ZNF804B: variants seen among roughly 807,000 people sequenced by gnomAD.
ZNF804B encodes the protein zinc finger 804B.
A neutral mutation model predicts 101.4 loss-of-function variants in ZNF804B; 80 were observed. The ratio of observed to expected loss-of-function variants is 0.79; its 90% confidence interval spans 0.66 to 0.95. The LOEUF is 0.95. Ranked by LOEUF, ZNF804B falls within the 40% of genes least tolerant of loss-of-function variation. ZNF804B has a pLI of 0.00. For synonymous variants in ZNF804B, 622 were observed against 558.8 expected, an observed-to-expected ratio of 1.11 and a Z score of -1.59; for missense variants, 1,673 against 1,561.9, an observed-to-expected ratio of 1.07 and a Z score of -1.20.
chr7:89,320,595 GA>G (rs1000225248), intron 2 of ZNF804B, among the ~76,000 whole-genome samples: 2 of 151,776 alleles, frequency 1.3e-5, no homozygotes, highest in African/African-American at 4.8e-5. Flanking sequence ...GCATGAGGTA[GA>G]AAAAAATGGA....
chr7:88,883,317 T>A (rs1235103269), intron 1 of ZNF804B, among the ~76,000 whole-genome samples: 1 of 152,136 alleles, frequency 6.6e-6, no homozygotes, highest in Non-Finnish European at 1.5e-5. Context: ...AATCCTTTTT[T>A]TCTTTGTCTT....
intron 1 of ZNF804B, among the ~76,000 whole-genome samples, chr7:89,145,734 T>A (rs1014759): frequency 6.6e-6 from 1 of 151,810 alleles, no homozygotes; most frequent in Non-Finnish European, 1.5e-5. Flanking sequence ...AGTGAGCAGG[T>A]ATGATGCTTT....
chr7:88,929,999 T>A (rs1278093867), intron 1 of ZNF804B, among the ~76,000 whole-genome samples: 1 of 151,938 alleles, frequency 6.6e-6, no homozygotes, highest in African/African-American at 2.4e-5. Context: ...TTCCAAAATG[T>A]ATGTTTTGGT....
chr7:89,245,336 G>C (rs1044756255), intron 2 of ZNF804B, among the ~76,000 whole-genome samples: 1 of 152,076 alleles, frequency 6.6e-6, no homozygotes, highest in Non-Finnish European at 1.5e-5. Flanking sequence ...AAATAGACTT[G>C]AAGAAATTTC....
chr7:88,837,827 T>C (rs931127380), intron 1 of ZNF804B, among the ~76,000 whole-genome samples: 3 of 151,884 alleles, frequency 2.0e-5, no homozygotes, highest in Non-Finnish European at 4.4e-5. Flanking sequence ...TAGCTGACTT[T>C]CGATGGCCAT....
intron 1 of ZNF804B, among the ~76,000 whole-genome samples, chr7:89,001,754 G>C (rs1480070556): frequency 6.6e-6 from 1 of 151,846 alleles, no homozygotes; most frequent in Non-Finnish European, 1.5e-5. Flanking sequence ...TGTTATGTCA[G>C]ATAATCTTAT....
intron 1 of ZNF804B, among the ~76,000 whole-genome samples, chr7:89,120,922 G>A (rs890245342): frequency 1.3e-5 from 2 of 152,178 alleles, no homozygotes; most frequent in Non-Finnish European, 2.9e-5. Context: ...TACTTGAGAA[G>A]CTACATTGCT....
intron 1 of ZNF804B, among the ~76,000 whole-genome samples, chr7:88,974,876 T>A (rs898761571): frequency 6.6e-6 from 1 of 151,370 alleles, no homozygotes; most frequent in Non-Finnish European, 1.5e-5. Flanking sequence ...AAGTACTGGA[T>A]CTTTTTCTTT....
In ZNF804B at chr7:89,015,316, T is replaced by A. The variant is rs977015077; in HGVS notation, c.109-202839T>A. 1.3e-4 allele frequency among the ~76,000 whole-genome samples: 20 copies of A among 151,394 alleles called. No individual in the cohort carries two copies. The East Asian group carries it at 1.7e-3, about 13-fold the overall frequency. On this transcript the variant is annotated intron_variant, in intron 1 of 3. Transcript: ENST00000333190. Reference sequence around the variant, plus strand: ...GCTTTGTTTCTTTTTTCTTTTTTTTTAATTATTTTATTTTTATTTTATTTA... The same window carrying A: ...GCTTTGTTTCTTTTTTCTTTTTTTTAAATTATTTTATTTTTATTTTATTTA...
intron 1 of ZNF804B, among the ~76,000 whole-genome samples, chr7:89,063,987 G>A (rs1000997195): frequency 6.6e-6 from 1 of 152,152 alleles, no homozygotes; most frequent in Non-Finnish European, 1.5e-5. Context: ...GTAGTTTAGA[G>A]TTGGTGGTTG....
intron 1 of ZNF804B, among the ~76,000 whole-genome samples, chr7:88,972,336 GTTAT>G (rs150705773): frequency 1.4e-3 from 215 of 151,454 alleles, no homozygotes; most frequent in African/African-American, 5.0e-3. Flanking sequence ...AAAGTAGCCT[GTTAT>G]TTATCTCTTG....
At chr7:89,048,076 A>T (rs1475462496) in intron 1 of ZNF804B, among the ~76,000 whole-genome samples, 1 of 152,010 alleles carries the variant, frequency 6.6e-6, no homozygotes, top group East Asian at 1.9e-4. Flanking sequence ...CACTATTCGT[A>T]GTCTTTTATC....
intron 1 of ZNF804B, among the ~76,000 whole-genome samples, chr7:88,779,935 A>G (rs1790197712): frequency 6.6e-6 from 1 of 152,212 alleles, no homozygotes; most frequent in African/African-American, 2.4e-5. Flanking sequence ...AAGATACTCA[A>G]AAAACTGTCC....
At chr7:89,249,491 A>G (rs1246887795) in intron 2 of ZNF804B, among the ~76,000 whole-genome samples, 2 of 152,192 alleles carry the variant, frequency 1.3e-5, no homozygotes, top group Non-Finnish European at 2.9e-5. Context: ...TCTCAAAACT[A>G]CAAAATTACA....
intron 1 of ZNF804B, among the ~76,000 whole-genome samples, chr7:89,178,015 C>A (rs1027583061): frequency 1.3e-5 from 2 of 151,242 alleles, no homozygotes; most frequent in African/African-American, 4.8e-5. Flanking sequence ...ACCCCTTTAT[C>A]AATATTTAAT....
chr7:89,172,816 G>A (rs1179284833), intron 1 of ZNF804B, among the ~76,000 whole-genome samples: 3 of 152,036 alleles, frequency 2.0e-5, no homozygotes, highest in Non-Finnish European at 4.4e-5. Flanking sequence ...ATTGGTCTTT[G>A]ACTAGAATAA....
intron 1 of ZNF804B, among the ~76,000 whole-genome samples, chr7:89,016,452 A>G (rs1210079893): frequency 2.6e-5 from 4 of 151,608 alleles, no homozygotes; most frequent in Non-Finnish European, 5.9e-5. Flanking sequence ...GTTTTCTTCT[A>G]GGGTTTTTAT....
intron 2 of ZNF804B, among the ~76,000 whole-genome samples, chr7:89,285,635 C>A (rs1790184726): frequency 1.5e-5 from 2 of 137,500 alleles, no homozygotes; most frequent in South Asian, 4.9e-4. Flanking sequence ...TTAATTCAGA[C>A]AAAAGTGCCC....
At chr7:89,280,811 A>C (rs539240135) in intron 2 of ZNF804B, among the ~76,000 whole-genome samples, 1 of 152,358 alleles carries the variant, frequency 6.6e-6, no homozygotes, top group South Asian at 2.1e-4. Flanking sequence ...TTCACAGCCG[A>C]ATTCTACCAG....
Sources: allele counts gnomAD v4.1 joint callset (sites outside exome capture counted in the v4.1 genomes callset), GRCh38; gene constraint gnomAD v4.1.1; transcripts MANE v1.5; gene names NCBI Gene and HGNC (gene_info 2026-07-23, HGNC 2026-07-21).